FOXN3: variants seen among roughly 807,000 people sequenced by gnomAD.
FOXN3 encodes forkhead box N3.
In FOXN3, 7 loss-of-function variants were observed where a neutral mutation model predicts 38.4. That is an observed-to-expected ratio of 0.18 (90% CI 0.10 to 0.34). FOXN3 has a LOEUF of 0.34. Among genes scored for constraint, FOXN3 ranks in the 10% least tolerant of loss-of-function variants. FOXN3 has a pLI of 1.00. For missense variants in FOXN3, 456 were observed against 613.4 expected (o/e 0.74, Z 2.71); for synonymous variants, 230 against 242.2 (o/e 0.95, Z 0.47).
rs537055704 is a variant in FOXN3, at chr14:89,506,255, C to A, written c.-14-93765G>T. On this transcript the variant is annotated intron_variant, in intron 1 of 6. Transcript: ENST00000345097. ...AGAGGAGCCCCTCTGCTCGGCCAGC[C>A]GCCCCGTCCGGGAGGGAGGTGGGGG... Among the ~76,000 whole-genome samples the A allele has an allele frequency of 3.2e-5, 2 of 63,040 alleles. 1 individual carries two copies. Among genetic ancestry groups the A allele is most frequent in the African/African-American group, 8.0e-5 (2 of 25,116 alleles). 41.4% of individuals were successfully genotyped at this position (63,040 alleles called of 152,430 possible).
chr14:89,266,488 G>T (rs758012077), intron 4 of FOXN3, among the ~76,000 whole-genome samples: 8 of 151,954 alleles, frequency 5.3e-5, no homozygotes, highest in African/African-American at 1.9e-4. Flanking sequence ...GGAGGCGGCT[G>T]GGGGGGCGGT....
intron 1 of FOXN3, among the ~76,000 whole-genome samples, chr14:89,524,056 TA>T (rs1360778439): frequency 6.8e-6 from 1 of 146,982 alleles, no homozygotes; most frequent in South Asian, 2.3e-4. Flanking sequence ...CCACCACGCC[TA>T]GCCAAATAAT....
At chr14:89,526,289 T>G (rs1247498084) in intron 1 of FOXN3, among the ~76,000 whole-genome samples, 1 of 151,954 alleles carries the variant, frequency 6.6e-6, no homozygotes, top group Non-Finnish European at 1.5e-5. Context: ...GAAAAAGAAA[T>G]AAAAGGTAAT....
At chr14:89,311,105 T>TAAAA (rs10646875) in intron 3 of FOXN3, among the ~76,000 whole-genome samples, 11 of 110,392 alleles carry the variant, frequency 1.0e-4, no homozygotes, top group African/African-American at 2.7e-4. Context: ...AAACTCCGTC[T>TAAAA]AAAAAAAAAA....
intron 1 of FOXN3, among the ~76,000 whole-genome samples, chr14:89,560,616 T>G (rs569848326): frequency 6.6e-6 from 1 of 152,266 alleles, no homozygotes; most frequent in Non-Finnish European, 1.5e-5. Flanking sequence ...CATTTCTTTA[T>G]GATGGCCTAT....
intron 1 of FOXN3, among the ~76,000 whole-genome samples, chr14:89,605,415 C>T (rs1364570854): frequency 1.3e-5 from 2 of 151,218 alleles, no homozygotes; most frequent in African/African-American, 2.4e-5. Flanking sequence ...ATAAAACTTC[C>T]AAACTACTAT....
intron 2 of FOXN3, among the ~76,000 whole-genome samples, chr14:89,393,861 T>C (rs1274861846): frequency 6.6e-6 from 1 of 152,158 alleles, no homozygotes; most frequent in Non-Finnish European, 1.5e-5. Context: ...GGAAACTGGG[T>C]GGGGACAAGG....
intron 1 of FOXN3, among the ~76,000 whole-genome samples, chr14:89,482,216 G>A (rs1306305253): frequency 6.6e-6 from 1 of 152,142 alleles, no homozygotes; most frequent in Non-Finnish European, 1.5e-5. Context: ...CTGAGCAGTG[G>A]GGGACAGTAT....
intron 1 of FOXN3, among the ~76,000 whole-genome samples, chr14:89,472,720 C>CAA (rs1157948946): frequency 7.5e-4 from 35 of 46,360 alleles, no homozygotes; most frequent in Non-Finnish European, 8.5e-4. Flanking sequence ...GACCCCATCT[C>CAA]AAAAAAAAAA....
upstream of FOXN3, among the ~76,000 whole-genome samples, chr14:89,420,510 A>T (rs1458537389): frequency 1.3e-5 from 2 of 152,182 alleles, no homozygotes; most frequent in African/African-American, 2.4e-5. Flanking sequence ...AACCAACTAG[A>T]GTCTTCTAGG....
At chr14:89,276,144 T>C (rs1280690559) in intron 4 of FOXN3, among the ~76,000 whole-genome samples, 1 of 151,726 alleles carries the variant, frequency 6.6e-6, no homozygotes, top group Non-Finnish European at 1.5e-5. Context: ...CTGAGTGGGG[T>C]AGTGGATGCC....
chr14:89,618,137 T>C (rs556335424), intron 1 of FOXN3, among the ~76,000 whole-genome samples: 97 of 152,328 alleles, frequency 6.4e-4, no homozygotes, highest in African/African-American at 2.3e-3. Flanking sequence ...AGACCAGTCC[T>C]TTCGGGTGAG....
At chr14:89,290,209 C>T in intron 3 of FOXN3, 3 of 261,680 alleles carry the variant, frequency 1.1e-5, no homozygotes, top group Admixed American at 4.5e-5. Context: ...GTTCACTGAC[C>T]AACTTGGATC....
At chr14:89,312,931 T>G (rs1018464371) in intron 3 of FOXN3, among the ~76,000 whole-genome samples, 2 of 152,186 alleles carry the variant, frequency 1.3e-5, no homozygotes, top group South Asian at 2.1e-4. Context: ...GAAATCCTTT[T>G]CGCTGAAGGT....
intron 5 of FOXN3, among the ~76,000 whole-genome samples, chr14:89,166,785 G>A (rs1300001352): frequency 6.6e-6 from 1 of 152,208 alleles, no homozygotes; most frequent in Non-Finnish European, 1.5e-5. Context: ...AAACTCAGCA[G>A]GAAGTGAAAA....
At chr14:89,470,301 A>C (rs1489937377) in intron 1 of FOXN3, among the ~76,000 whole-genome samples, 1 of 152,188 alleles carries the variant, frequency 6.6e-6, no homozygotes, top group Non-Finnish European at 1.5e-5. Flanking sequence ...TTCTAAAAAA[A>C]AAAAAAAGCA....
chr14:89,578,690 C>T (rs944004821), intron 1 of FOXN3, among the ~76,000 whole-genome samples: 1 of 152,166 alleles, frequency 6.6e-6, no homozygotes, highest in African/African-American at 2.4e-5. Context: ...GTCAGCAAGC[C>T]CTGTTGCCTC....
At chr14:89,433,051 TCA>T (rs1892195770) in intron 1 of FOXN3, among the ~76,000 whole-genome samples, 1 of 152,126 alleles carries the variant, frequency 6.6e-6, no homozygotes, top group Admixed American at 6.6e-5. Flanking sequence ...CTACAAATGC[TCA>T]CATAGAAACA....
At chr14:89,380,958 A>T (rs766035959) in intron 2 of FOXN3, among the ~76,000 whole-genome samples, 23 of 151,998 alleles carry the variant, frequency 1.5e-4, no homozygotes, top group Non-Finnish European at 3.2e-4. Flanking sequence ...CCTCACCAAC[A>T]TGATGAAACC....
Sources: allele counts gnomAD v4.1 joint callset (sites outside exome capture counted in the v4.1 genomes callset), GRCh38; gene constraint gnomAD v4.1.1; transcripts MANE v1.5; gene names NCBI Gene and HGNC (gene_info 2026-07-23, HGNC 2026-07-21).